Variants in CAPZA2 observed in about 807,000 individuals in gnomAD.
CAPZA2 encodes the protein capping actin protein of muscle Z-line subunit alpha 2.
Under a neutral mutation model 44.0 loss-of-function variants are expected in CAPZA2, and 13 were observed. That is an observed-to-expected ratio of 0.30 (90% CI 0.19 to 0.47). The LOEUF is 0.47. Among genes scored for constraint, CAPZA2 ranks in the 20% least tolerant of loss-of-function variants. CAPZA2 has a pLI of 1.00. For synonymous variants in CAPZA2, 94 were observed against 108.2 expected (o/e 0.87, Z 0.81); for missense variants, 244 against 338.6 (o/e 0.72, Z 2.19).
At chr7:116,910,581 T>C (rs1791578279) in intron 7 of CAPZA2, among the ~76,000 whole-genome samples, 1 of 152,216 alleles carries the variant, frequency 6.6e-6, no homozygotes, top group African/African-American at 2.4e-5. Context: ...TCAGATACAA[T>C]TTGTTCATGC....
chr7:116,867,618 C>G (rs1283509985), intron 1 of CAPZA2, among the ~76,000 whole-genome samples: 3 of 137,420 alleles, frequency 2.2e-5, no homozygotes, highest in Non-Finnish European at 4.6e-5. Context: ...GATTCTCACT[C>G]TGTCACCCAG....
At chr7:116,866,690 C>A (rs992252881) in intron 1 of CAPZA2, among the ~76,000 whole-genome samples, 1 of 152,180 alleles carries the variant, frequency 6.6e-6, no homozygotes, top group African/African-American at 2.4e-5. Flanking sequence ...TGGGAAAGAT[C>A]GTTTTTCTTC....
rs1489311248 is a variant in CAPZA2 at position 116,921,387 on chromosome 7, A to C, written c.*3520A>C. 1 of 152,120 alleles carries C rather than the reference A, an allele frequency of 6.6e-6. No individual in the cohort carries two copies. The highest frequency in any genetic ancestry group is 1.5e-5 in the Non-Finnish European group (1 of 68,172). 9.4% of individuals were successfully genotyped at this position (152,120 alleles called of 1,614,324 possible). A position where few individuals can be genotyped will look rare whatever the true frequency, so the allele number is the denominator to read the frequency against. On this transcript the variant is annotated 3_prime_UTR_variant, in exon 10 of 10. Coordinates refer to ENST00000361183, the MANE Select transcript of CAPZA2 (RefSeq NM_006136.3). ...CAGAGCGAGACTCTGTCCCAAAAAA[A>C]AAAAAAAGTGGTGGGCTGGCCACGA...
intron 4 of CAPZA2, among the ~76,000 whole-genome samples, chr7:116,900,700 C>T (rs951679131): frequency 9.9e-5 from 15 of 152,174 alleles, no homozygotes; most frequent in Admixed American, 9.8e-4. Flanking sequence ...TTCTGCACAG[C>T]AAAGGATACT....
At chr7:116,889,546 G>GC (rs976515880) in intron 2 of CAPZA2, among the ~76,000 whole-genome samples, 1 of 147,910 alleles carries the variant, frequency 6.8e-6, no homozygotes, top group Non-Finnish European at 1.5e-5. Flanking sequence ...ACATAGTGAG[G>GC]CCCCCCTCCC....
chr7:116,912,197 G>A (rs1405147964), intron 8 of CAPZA2, 57 bp downstream of exon 8: 1 of 1,588,390 alleles, frequency 6.3e-7, no homozygotes, highest in Admixed American at 1.8e-5. Context: ...AACCAGAACA[G>A]TTTTGGAATG....
At chr7:116,914,947 A>G (rs1316636808) in intron 8 of CAPZA2, among the ~76,000 whole-genome samples, 1 of 152,136 alleles carries the variant, frequency 6.6e-6, no homozygotes, top group African/African-American at 2.4e-5. Context: ...TAACAAGGGT[A>G]TGGTGCCGTC....
At chr7:116,874,568 A>G (rs1176655195) in intron 1 of CAPZA2, 1 of 152,234 alleles carries the variant, frequency 6.6e-6, no homozygotes, top group Non-Finnish European at 1.5e-5. Flanking sequence ...ATGTATAGCA[A>G]GCAATATCCA....
chr7:116,901,909 G>GTGTGTA (rs1486160750), intron 4 of CAPZA2, among the ~76,000 whole-genome samples: 41 of 150,840 alleles, frequency 2.7e-4, no homozygotes, highest in Non-Finnish European at 5.3e-4. Context: ...GTGTGTGTGT[G>GTGTGTA]TGTATGTGTG....
chr7:116,917,548 C>T (rs755359325), intron 9 of CAPZA2, among the ~76,000 whole-genome samples, 179 bp from the exon 10 acceptor site: 12 of 152,166 alleles, frequency 7.9e-5, no homozygotes, highest in Admixed American at 2.6e-4. Flanking sequence ...TGAGCCACCG[C>T]GCCCGGCTCT....
chr7:116,891,199 T>G (rs1796842520), intron 2 of CAPZA2, among the ~76,000 whole-genome samples: 1 of 152,230 alleles, frequency 6.6e-6, no homozygotes, highest in African/African-American at 2.4e-5. Flanking sequence ...CTACTCTTCT[T>G]ATGATAAAAG....
At chr7:116,872,524 A>G (rs1317409991) in intron 1 of CAPZA2, among the ~76,000 whole-genome samples, 1 of 152,206 alleles carries the variant, frequency 6.6e-6, no homozygotes. Context: ...ATTAAAACAA[A>G]TTACCACTCT....
At chr7:116,912,454 T>A (rs949847580) in intron 8 of CAPZA2, among the ~76,000 whole-genome samples, 1 of 152,198 alleles carries the variant, frequency 6.6e-6, no homozygotes, top group African/African-American at 2.4e-5. Flanking sequence ...AGAAACACTG[T>A]ACCATTAGCA....
intron 7 of CAPZA2, 27 bp downstream of exon 7, chr7:116,910,338 C>G (rs1174642948): frequency 9.3e-7 from 1 of 1,070,064 alleles, no homozygotes. Context: ...GTTTACTGAT[C>G]TTTAGATGAT....
intron 1 of CAPZA2, among the ~76,000 whole-genome samples, chr7:116,869,822 C>G (rs1585000573): frequency 1.3e-5 from 2 of 152,260 alleles, no homozygotes; most frequent in South Asian, 2.1e-4. Flanking sequence ...TTCTCAGTCA[C>G]TGCAGTGGTG....
At chr7:116,888,365 A>G in intron 2 of CAPZA2, 175 bp downstream of exon 2, 3 of 452,130 alleles carry the variant, frequency 6.6e-6, no homozygotes, top group Non-Finnish European at 7.8e-6. Flanking sequence ...GTATTTATTT[A>G]TATATGATGA....
At chr7:116,916,651 C>T (rs1791683373) in intron 9 of CAPZA2, among the ~76,000 whole-genome samples, 1 of 152,064 alleles carries the variant, frequency 6.6e-6, no homozygotes. Context: ...AGGTTTTGGC[C>T]AACATAATTT....
At chr7:116,880,455 TA>T (rs1286860934) in intron 1 of CAPZA2, among the ~76,000 whole-genome samples, 2 of 152,064 alleles carry the variant, frequency 1.3e-5, no homozygotes, top group Non-Finnish European at 2.9e-5. Context: ...TGGAGTGCAA[TA>T]GCGTGATCTC....
intron 3 of CAPZA2, among the ~76,000 whole-genome samples, chr7:116,895,393 A>G (rs1041474632): frequency 6.6e-6 from 1 of 152,136 alleles, no homozygotes; most frequent in East Asian, 1.9e-4. Context: ...ATTTAAATAA[A>G]TTATATTTGT....
Sources: allele counts gnomAD v4.1 joint callset (sites outside exome capture counted in the v4.1 genomes callset), GRCh38; gene constraint gnomAD v4.1.1; transcripts MANE v1.5; gene names NCBI Gene and HGNC (gene_info 2026-07-23, HGNC 2026-07-21).